Variants in ZNF804B observed in about 807,000 individuals in gnomAD.
ZNF804B encodes the protein zinc finger protein 804B, also known as zinc finger 804B.
A neutral mutation model predicts 101.4 loss-of-function variants in ZNF804B; 80 were observed. The ratio of observed to expected loss-of-function variants is 0.79; its 90% CI spans 0.66 to 0.95. The LOEUF (loss-of-function observed/expected upper bound fraction) is 0.95, where lower values mean the gene tolerates loss of function less well. Ranked by LOEUF, ZNF804B falls within the 40% of genes least tolerant of loss-of-function variation. The probability of loss-of-function intolerance (pLI) is 0.00; values close to 1 mark genes in which losing one functional copy is unlikely to be tolerated. For synonymous variants in ZNF804B, 622 were observed against 558.8 expected (o/e 1.11, Z -1.59); for missense variants, 1,673 against 1,561.9 (o/e 1.07, Z -1.20).
In ZNF804B at chr7:88,925,283, C is replaced by T. The variant is rs151321364; in HGVS notation, c.108+165199C>T. ...CTCAGGCCCTGTGCCACTGCCGAGG[C>T]GACTGCTGCTTCCTACCTGTTGTAG... On this transcript the variant is annotated intron_variant, in intron 1 of 3. Transcript: ENST00000333190. Among the ~76,000 whole-genome samples, 280 of 152,228 alleles carry T rather than the reference C, an allele frequency of 1.8e-3. 3 individuals carry two copies. The highest frequency in any genetic ancestry group is 0.01 in the East Asian group (53 of 5,170).
chr7:89,183,798 G>A (rs141494682), intron 1 of ZNF804B, among the ~76,000 whole-genome samples: 36 of 152,228 alleles, frequency 2.4e-4, no homozygotes, highest in East Asian at 1.2e-3. Context: ...GCACATTCAC[G>A]TCTAAATCCT....
At chr7:89,115,788 A>C (rs542676959) in intron 1 of ZNF804B, among the ~76,000 whole-genome samples, 31 of 152,254 alleles carry the variant, frequency 2.0e-4, no homozygotes, top group Non-Finnish European at 4.3e-4. Context: ...TTTTTAGCCT[A>C]TTGCAAACAT....
At chr7:88,809,765 T>C (rs1790754014) in intron 1 of ZNF804B, among the ~76,000 whole-genome samples, 1 of 152,206 alleles carries the variant, frequency 6.6e-6, no homozygotes, top group Non-Finnish European at 1.5e-5. Flanking sequence ...GAGATAGAAG[T>C]CAACACACAT....
At chr7:89,201,404 G>A (rs1256224923) in intron 1 of ZNF804B, among the ~76,000 whole-genome samples, 1 of 152,018 alleles carries the variant, frequency 6.6e-6, no homozygotes, top group Non-Finnish European at 1.5e-5. Flanking sequence ...TGGAATAACA[G>A]ACACTGGAGA....
At chr7:88,962,249 G>T (rs551933372) in intron 1 of ZNF804B, among the ~76,000 whole-genome samples, 1 of 151,266 alleles carries the variant, frequency 6.6e-6, no homozygotes, top group South Asian at 2.1e-4. Flanking sequence ...GGTAAATTAT[G>T]GTTTCTCTTC....
chr7:88,799,975 C>A (rs1178685195), intron 1 of ZNF804B, among the ~76,000 whole-genome samples: 2 of 151,988 alleles, frequency 1.3e-5, no homozygotes, highest in Non-Finnish European at 2.9e-5. Flanking sequence ...TGAGGTTGTG[C>A]ACTTACTAAA....
At chr7:88,954,187 T>A (rs959942956) in intron 1 of ZNF804B, among the ~76,000 whole-genome samples, 3 of 151,804 alleles carry the variant, frequency 2.0e-5, no homozygotes, top group Non-Finnish European at 4.4e-5. Context: ...CAGTTTTTTT[T>A]AATTTAACTG....
intron 1 of ZNF804B, among the ~76,000 whole-genome samples, chr7:88,985,857 G>A (rs1409718298): frequency 6.6e-6 from 1 of 152,044 alleles, no homozygotes; most frequent in Non-Finnish European, 1.5e-5. Context: ...TACTTGCCAA[G>A]ATTAACTGAA....
rs189528939 is a variant in ZNF804B at position 88,888,647 on chromosome 7, T to A, written c.108+128563T>A. Among the ~76,000 whole-genome samples, 316 of 152,320 alleles carry A rather than the reference T, an allele frequency of 2.1e-3. 1 individual carries two copies. Among genetic ancestry groups the A allele is most frequent in the African/African-American group, 7.3e-3 (302 of 41,586 alleles). ...TGAAAAATTGATATTTTTATTACTA[T>A]AACTGTTTGAATGTTTTACAATGAA... is the stretch of plus-strand genomic sequence containing the variant. On this transcript the variant is annotated intron_variant, in intron 1 of 3. Coordinates refer to ENST00000333190, the MANE Select transcript of ZNF804B (RefSeq NM_181646.5).
chr7:88,979,126 G>A (rs1049434539), intron 1 of ZNF804B, among the ~76,000 whole-genome samples: 1 of 151,838 alleles, frequency 6.6e-6, no homozygotes, highest in Admixed American at 6.6e-5. Context: ...TTTATATTAT[G>A]TGTATGTCTT....
At chr7:89,198,208 C>T (rs1788583681) in intron 1 of ZNF804B, among the ~76,000 whole-genome samples, 1 of 151,832 alleles carries the variant, frequency 6.6e-6, no homozygotes, top group Non-Finnish European at 1.5e-5. Flanking sequence ...GGAAATGCTA[C>T]TCACACATAT....
At chr7:88,922,716 C>A (rs1792736569) in intron 1 of ZNF804B, among the ~76,000 whole-genome samples, 1 of 151,820 alleles carries the variant, frequency 6.6e-6, no homozygotes, top group African/African-American at 2.4e-5. Context: ...AAAGTGACAG[C>A]AATCAATCTA....
intron 2 of ZNF804B, among the ~76,000 whole-genome samples, chr7:89,234,109 A>G (rs1034961050): frequency 1.3e-5 from 2 of 152,240 alleles, no homozygotes; most frequent in African/African-American, 4.8e-5. Flanking sequence ...GTTTTAACTC[A>G]ATATAATTTT....
intron 2 of ZNF804B, among the ~76,000 whole-genome samples, chr7:89,308,920 AAC>A (rs1475406471): frequency 6.6e-6 from 1 of 152,194 alleles, no homozygotes; most frequent in Admixed American, 6.6e-5. Context: ...TCCTACCTGT[AAC>A]ACAACATGCC....
In ZNF804B at chr7:88,782,471, G is replaced by A. The variant is rs776822795; in HGVS notation, c.108+22387G>A. On this transcript the variant is annotated intron_variant, in intron 1 of 3. Transcript: ENST00000333190. ...TATATATATACATATATGTATATAC[G>A]TGCACATGTATTTATATACACTAAT... 3.3e-4 allele frequency among the ~76,000 whole-genome samples: 50 copies of A among 151,592 alleles called. 1 individual carries two copies. Among genetic ancestry groups the A allele is most frequent in the South Asian group, 1.3e-3 (6 of 4,800 alleles).
chr7:88,779,108 A>G, intron 1 of ZNF804B, among the ~76,000 whole-genome samples: 1 of 152,216 alleles, frequency 6.6e-6, no homozygotes, highest in Non-Finnish European at 1.5e-5. Context: ...ACTAAATGAC[A>G]TGTCAAGTAT....
At chr7:89,033,823 G>A (rs1211492399) in intron 1 of ZNF804B, among the ~76,000 whole-genome samples, 1 of 151,834 alleles carries the variant, frequency 6.6e-6, no homozygotes, top group Admixed American at 6.6e-5. Flanking sequence ...TTAATAAATA[G>A]GTGAAAGGTC....
intron 1 of ZNF804B, among the ~76,000 whole-genome samples, chr7:89,012,492 A>G (rs902000373): frequency 3.9e-5 from 6 of 152,096 alleles, no homozygotes; most frequent in African/African-American, 1.4e-4. Context: ...AAGCCATCTC[A>G]CTCAAGTTCA....
intron 1 of ZNF804B, among the ~76,000 whole-genome samples, chr7:89,076,952 A>G (rs1341567405): frequency 6.6e-6 from 1 of 152,174 alleles, no homozygotes; most frequent in Admixed American, 6.5e-5. Flanking sequence ...ATAGGCAAGT[A>G]TATAGTGTCA....
Sources: gnomAD v4.1 joint callset for allele counts (sites outside exome capture counted in the v4.1 genomes callset) on GRCh38, gnomAD v4.1.1 for gene constraint, MANE v1.5 for transcripts, NCBI Gene and HGNC (gene_info 2026-07-23, HGNC 2026-07-21) for gene names.